MATN2: variants seen among roughly 807,000 people sequenced by gnomAD.
MATN2 encodes matrilin-2.
Under a neutral mutation model 103.2 loss-of-function variants are expected in MATN2, and 69 were observed. That is an observed-to-expected ratio of 0.67 (90% CI 0.55 to 0.82). MATN2 has a LOEUF of 0.82. Ranked by LOEUF, MATN2 falls within the 40% of genes least tolerant of loss-of-function variation. The pLI, the probability that MATN2 is intolerant of heterozygous loss-of-function variation, is 0.00. For missense variants in MATN2, 1,023 were observed against 1,211.5 expected, an observed-to-expected ratio of 0.84 and a Z score of 2.31; for synonymous variants, 429 against 450.2, an observed-to-expected ratio of 0.95 and a Z score of 0.60.
chr8:97,979,043 T>A (rs752724049), intron 6 of MATN2, 35 bp downstream of exon 6: 1 of 1,581,516 alleles, frequency 6.3e-7, no homozygotes, highest in Non-Finnish European at 8.6e-7. Context: ...CAGAGAAATA[T>A]TTGCTGTTAC....
intron 4 of MATN2, among the ~76,000 whole-genome samples, chr8:97,943,143 T>C (rs758755467): frequency 6.6e-6 from 1 of 152,044 alleles, no homozygotes; most frequent in South Asian, 2.1e-4. Context: ...ATGGGTTTCA[T>C]AGAGTTTCCT....
At chr8:97,919,189 G>T (rs1007466908) in intron 2 of MATN2, among the ~76,000 whole-genome samples, 1 of 152,142 alleles carries the variant, frequency 6.6e-6, no homozygotes, top group Non-Finnish European at 1.5e-5. Context: ...TCTCAAATTT[G>T]TTGTGCTTAA....
chr8:97,954,192 C>G (rs115420981), intron 4 of MATN2, among the ~76,000 whole-genome samples: 1 of 152,144 alleles, frequency 6.6e-6, no homozygotes, highest in African/African-American at 2.4e-5. Flanking sequence ...TCTGAGGAGA[C>G]GTAACTGACA....
At chr8:97,961,377 G>T in intron 4 of MATN2, 31 bp from the exon 5 acceptor site, 2 of 1,583,556 alleles carry the variant, frequency 1.3e-6, no homozygotes, top group Non-Finnish European at 1.7e-6. Flanking sequence ...TGTGCCTGAC[G>T]TTGTGTTCTA....
intron 5 of MATN2, among the ~76,000 whole-genome samples, chr8:97,962,531 G>T (rs1695383657): frequency 6.6e-6 from 1 of 152,156 alleles, no homozygotes; most frequent in Admixed American, 6.5e-5. Context: ...TTTACACACT[G>T]ATAGGAATGA....
chr8:97,995,020 T>A (rs1812535162), intron 7 of MATN2, among the ~76,000 whole-genome samples: 1 of 152,136 alleles, frequency 6.6e-6, no homozygotes, highest in Non-Finnish European at 1.5e-5. Flanking sequence ...TTATTCCCTT[T>A]GATAGGAAAG....
intron 5 of MATN2, among the ~76,000 whole-genome samples, chr8:97,976,957 G>A (rs115217452): frequency 0.039 from 5,895 of 152,088 alleles, 362 homozygotes; most frequent in African/African-American, 0.13. Flanking sequence ...CTGTGGCCAG[G>A]CACGGTGGCT....
intron 1 of MATN2, among the ~76,000 whole-genome samples, chr8:97,881,882 G>A (rs4559216): frequency 0.78 from 116,133 of 148,250 alleles, 46,438 homozygotes; most frequent in Non-Finnish European, 0.88. Context: ...GCATCTATAT[G>A]GTATCCTTTT....
At chr8:97,872,177 G>T (rs770162206) in intron 1 of MATN2, among the ~76,000 whole-genome samples, 4 of 152,204 alleles carry the variant, frequency 2.6e-5, no homozygotes, top group Non-Finnish European at 5.9e-5. Context: ...TGTTGTAAGG[G>T]TTAAATGAAA....
intron 4 of MATN2, chr8:97,950,786 CA>C (rs1810921478): frequency 1.3e-5 from 2 of 152,158 alleles, no homozygotes; most frequent in Admixed American, 1.3e-4. Flanking sequence ...TGGATAACTG[CA>C]GAGAGGAAAT....
chr8:97,945,513 G>T (rs1249648781), intron 4 of MATN2, among the ~76,000 whole-genome samples: 1 of 151,798 alleles, frequency 6.6e-6, no homozygotes, highest in African/African-American at 2.4e-5. Context: ...CCTTCTCCAA[G>T]CCGGGAAGAC....
intron 2 of MATN2, among the ~76,000 whole-genome samples, chr8:97,912,050 AGT>A (rs1809463529): frequency 6.6e-6 from 1 of 152,160 alleles, no homozygotes; most frequent in African/African-American, 2.4e-5. Context: ...GTGGAGAATG[AGT>A]GTGGTGTGGG....
chr8:97,918,899 T>A (rs1227505174), intron 2 of MATN2, among the ~76,000 whole-genome samples: 1 of 152,212 alleles, frequency 6.6e-6, no homozygotes, highest in Non-Finnish European at 1.5e-5. Flanking sequence ...CTCAGCTTCC[T>A]CATCTACAAG....
chr8:98,034,603 C>T (rs1586180401), intron 18 of MATN2, among the ~76,000 whole-genome samples: 1 of 152,164 alleles, frequency 6.6e-6, no homozygotes, highest in East Asian at 1.9e-4. Context: ...GAGGAGCTTA[C>T]AGGGAAGACC....
chr8:97,949,497 T>C (rs1355816565), intron 4 of MATN2, among the ~76,000 whole-genome samples: 1 of 152,082 alleles, frequency 6.6e-6, no homozygotes, highest in Non-Finnish European at 1.5e-5. Context: ...TTTAAAAGAT[T>C]GACTATACCA....
intron 2 of MATN2, among the ~76,000 whole-genome samples, chr8:97,914,773 G>A (rs1297347719): frequency 6.6e-6 from 1 of 152,140 alleles, no homozygotes; most frequent in African/African-American, 2.4e-5. Context: ...GGGTGCGTGT[G>A]CATCCCACTC....
At chr8:97,959,612 G>C (rs552517186) in intron 4 of MATN2, among the ~76,000 whole-genome samples, 2 of 152,190 alleles carry the variant, frequency 1.3e-5, no homozygotes, top group South Asian at 4.2e-4. Flanking sequence ...GTGTCTATAA[G>C]GCTTTTTTTT....
intron 6 of MATN2, among the ~76,000 whole-genome samples, chr8:97,987,399 A>G (rs1812230037): frequency 6.6e-6 from 1 of 152,130 alleles, no homozygotes; most frequent in Admixed American, 6.5e-5. Flanking sequence ...ACATTTACCT[A>G]ACAAACCTGC....
At chr8:97,901,532 C>T (rs186756959) in intron 2 of MATN2, among the ~76,000 whole-genome samples, 3 of 152,276 alleles carry the variant, frequency 2.0e-5, no homozygotes, top group Admixed American at 6.5e-5. Context: ...TGATTACAGG[C>T]GTGAGCCACT....
Sources: allele counts gnomAD v4.1 joint callset (sites outside exome capture counted in the v4.1 genomes callset), GRCh38; gene constraint gnomAD v4.1.1; transcripts MANE v1.5; gene names NCBI Gene and HGNC (gene_info 2026-07-23, HGNC 2026-07-21).